Variants in TMC1 observed in about 807,000 individuals in gnomAD.
TMC1 encodes transmembrane channel like 1.
In TMC1, 84 loss-of-function variants were observed where a neutral mutation model predicts 105.8. The ratio of observed to expected loss-of-function variants is 0.79; its 90% CI spans 0.67 to 0.95. The LOEUF is 0.95. TMC1 is among the 40% of genes least tolerant of loss of function. TMC1 has a pLI of 0.00. For missense variants in TMC1, 817 were observed against 914.1 expected, an observed-to-expected ratio of 0.89 and a Z score of 1.37; for synonymous variants, 315 against 311.5, an observed-to-expected ratio of 1.01 and a Z score of -0.12.
intron 4 of TMC1, among the ~76,000 whole-genome samples, chr9:72,639,845 T>C (rs1825595402): frequency 6.6e-6 from 1 of 152,220 alleles, no homozygotes; most frequent in African/African-American, 2.4e-5. Context: ...CATTTTAAAA[T>C]GGCCATAGCT....
At chr9:72,583,227 AC>A (rs1304980848) in intron 2 of TMC1, among the ~76,000 whole-genome samples, 1 of 152,092 alleles carries the variant, frequency 6.6e-6, no homozygotes, top group Non-Finnish European at 1.5e-5. Context: ...ATCTCAAAAA[AC>A]AAAAACAAAA....
chr9:72,806,594 G>A (rs1434559202), intron 18 of TMC1, among the ~76,000 whole-genome samples: 43 of 150,802 alleles, frequency 2.9e-4, no homozygotes, highest in Non-Finnish European at 5.3e-4. Context: ...TGGGGCGGCC[G>A]GGCAGAGATG....
At chr9:72,699,034 A>G (rs1826598234) in intron 7 of TMC1, among the ~76,000 whole-genome samples, 1 of 152,190 alleles carries the variant, frequency 6.6e-6, no homozygotes, top group Non-Finnish European at 1.5e-5. Context: ...AAGCAGAAAT[A>G]TGACTCACAA....
At chr9:72,595,278 G>A (rs556906455) in intron 2 of TMC1, among the ~76,000 whole-genome samples, 43 of 152,298 alleles carry the variant, frequency 2.8e-4, no homozygotes, top group African/African-American at 9.9e-4. Context: ...TCACTAGACA[G>A]AACTTCTGTG....
intron 2 of TMC1, among the ~76,000 whole-genome samples, chr9:72,600,310 G>A (rs1295133017): frequency 6.6e-6 from 1 of 152,138 alleles, no homozygotes; most frequent in African/African-American, 2.4e-5. Context: ...CCTGTGTCAC[G>A]TGCCTATACT....
chr9:72,679,542 C>A (rs533819414), intron 5 of TMC1, among the ~76,000 whole-genome samples: 3 of 152,084 alleles, frequency 2.0e-5, no homozygotes, highest in African/African-American at 7.2e-5. Flanking sequence ...ATTTATTTCT[C>A]ATAGTTCTGG....
chr9:72,609,498 C>T (rs898013640), intron 2 of TMC1, among the ~76,000 whole-genome samples: 1 of 152,086 alleles, frequency 6.6e-6, no homozygotes, highest in African/African-American at 2.4e-5. Flanking sequence ...CGAGATCGTT[C>T]CACTGCATTC....
At chr9:72,576,406 CTT>C (rs1824380196) in intron 1 of TMC1, among the ~76,000 whole-genome samples, 1 of 151,908 alleles carries the variant, frequency 6.6e-6, no homozygotes, top group African/African-American at 2.4e-5. Flanking sequence ...TTCTGACCCT[CTT>C]TTCTCTTCTC....
Position 72,711,551 on chromosome 9 carries a change from G to A in TMC1, c.362+10908G>A, listed in dbSNP as rs138457890. ...GAGCCTTTTTTTCATATGTTGGTTG[G>A]CTGAATAAATGTCTTCTTTTGAGAA... On this transcript the variant is annotated intron_variant, in intron 8 of 23. Transcript: ENST00000297784. Among the ~76,000 whole-genome samples, 1,317 of 152,224 alleles carry A rather than the reference G, an allele frequency of 8.7e-3. 22 individuals carry two copies. The highest frequency in any genetic ancestry group is 0.031 in the African/African-American group (1,275 of 41,540).
chr9:72,611,800 G>A lies in TMC1; in HGVS notation c.-305-4568G>A, dbSNP rs1263218798. On this transcript the variant is annotated intron_variant, in intron 2 of 23. Coordinates refer to ENST00000297784, the MANE Select transcript of TMC1 (RefSeq NM_138691.3). Reference sequence around the variant, plus strand: ...TGCATTCCTTGGAGTCTTGAATCGTGGATTAGAGAAAAGACCACCCTGTGT... The same window carrying A: ...TGCATTCCTTGGAGTCTTGAATCGTAGATTAGAGAAAAGACCACCCTGTGT... Among the ~76,000 whole-genome samples, 3 of 152,282 alleles carry A rather than the reference G, an allele frequency of 2.0e-5. No homozygotes were observed. The East Asian group carries it at 5.8e-4, about 29-fold the overall frequency.
At chr9:72,743,377 A>T (rs545007752) in intron 10 of TMC1, among the ~76,000 whole-genome samples, 101 of 150,126 alleles carry the variant, frequency 6.7e-4, no homozygotes, top group African/African-American at 1.8e-3. Flanking sequence ...ACAAAAAAAA[A>T]AAAATAAAAA....
chr9:72,570,229 TA>T (rs59671812), intron 1 of TMC1, among the ~76,000 whole-genome samples: 4 of 87,672 alleles, frequency 4.6e-5, no homozygotes, highest in African/African-American at 1.8e-4. Context: ...GCTCAAAGAG[TA>T]GTGTGTGTGT....
chr9:72,677,274 C>T (rs1203829115), intron 5 of TMC1, among the ~76,000 whole-genome samples: 1 of 152,046 alleles, frequency 6.6e-6, no homozygotes, highest in Non-Finnish European at 1.5e-5. Flanking sequence ...GGGGAGAAGA[C>T]AGATGTCCCA....
At chr9:72,532,570 A>AC (rs1823517235) in intron 1 of TMC1, among the ~76,000 whole-genome samples, 2 of 93,896 alleles carry the variant, frequency 2.1e-5, no homozygotes, top group African/African-American at 9.4e-5. Context: ...AAAAAAAAAA[A>AC]AAAAAAAAAA....
intron 15 of TMC1, 110 bp from the exon 16 acceptor site, chr9:72,791,776 T>G: frequency 1.1e-6 from 1 of 887,004 alleles, no homozygotes; most frequent in Non-Finnish European, 1.9e-6. Context: ...TCATTTTTAG[T>G]CTTAAAAAAG....
chr9:72,645,313 T>C (rs1432986323), intron 4 of TMC1, among the ~76,000 whole-genome samples: 1 of 152,022 alleles, frequency 6.6e-6, no homozygotes, highest in Non-Finnish European at 1.5e-5. Context: ...CAGGCAAGAG[T>C]AGAGCTTTTG....
chr9:72,710,315 C>T (rs1178645001), intron 8 of TMC1, among the ~76,000 whole-genome samples: 1 of 152,068 alleles, frequency 6.6e-6, no homozygotes, highest in Non-Finnish European at 1.5e-5. Context: ...GGAATGTATA[C>T]TCTGTGGTTG....
chr9:72,764,133 A>G (rs909445097), intron 12 of TMC1, among the ~76,000 whole-genome samples: 4 of 152,238 alleles, frequency 2.6e-5, no homozygotes, highest in Non-Finnish European at 5.9e-5. Flanking sequence ...CAAGTAGATT[A>G]TGTAAATCTA....
chr9:72,668,688 C>T (rs758639574), intron 5 of TMC1, among the ~76,000 whole-genome samples: 27 of 152,272 alleles, frequency 1.8e-4, no homozygotes, highest in South Asian at 4.1e-4. Flanking sequence ...TAGCCTCTAT[C>T]GAAGAGAGCA....
Sources: allele counts gnomAD v4.1 joint callset (sites outside exome capture counted in the v4.1 genomes callset), GRCh38; gene constraint gnomAD v4.1.1; transcripts MANE v1.5; gene names NCBI Gene and HGNC (gene_info 2026-07-23, HGNC 2026-07-21).